FMN1: variants seen among roughly 807,000 people sequenced by gnomAD.
The protein encoded by FMN1 is formin 1.
A neutral mutation model predicts 132.4 loss-of-function variants in FMN1; 110 were observed. That is an observed-to-expected ratio of 0.83 (90% CI 0.71 to 0.97). The LOEUF is 0.97. FMN1 is among the 50% of genes least tolerant of loss of function. FMN1 has a pLI of 0.00. For synonymous variants in FMN1, 722 were observed against 651.7 expected (o/e 1.11, Z -1.64); for missense variants, 1,792 against 1,705.3 (o/e 1.05, Z -0.90).
At chr15:32,810,727 A>G (rs144886703) in intron 17 of FMN1, among the ~76,000 whole-genome samples, 1 of 152,306 alleles carries the variant, frequency 6.6e-6, no homozygotes, top group African/African-American at 2.4e-5. Context: ...GCCAAACGCA[A>G]TTAAGTCCTA....
At chr15:32,877,070 G>T (rs1012636147) in intron 16 of FMN1, among the ~76,000 whole-genome samples, 1 of 152,172 alleles carries the variant, frequency 6.6e-6, no homozygotes, top group Non-Finnish European at 1.5e-5. Flanking sequence ...TGGATCACCT[G>T]AAGTCAGGAG....
intron 4 of FMN1, among the ~76,000 whole-genome samples, chr15:33,147,448 C>T (rs1480391391): frequency 6.6e-6 from 1 of 152,172 alleles, no homozygotes; most frequent in East Asian, 1.9e-4. Flanking sequence ...GCTATTTCTA[C>T]ACATCTTTGG....
chr15:32,880,824 A>G (rs530174267), intron 16 of FMN1, among the ~76,000 whole-genome samples: 2 of 152,320 alleles, frequency 1.3e-5, no homozygotes, highest in Non-Finnish European at 2.9e-5. Context: ...CCATCCCCAC[A>G]TCCCACCTAC....
rs534926678 is a variant in FMN1, at chr15:32,874,497, C to T, written c.3835+13675G>A. ...TATTAGTTGATTCTCTTCAGGATCA[C>T]AGTCAGGAAGGGCTTTGCAGATGTT... On this transcript the variant is annotated intron_variant, in intron 16 of 20. Transcript: ENST00000616417. Among the ~76,000 whole-genome samples, 14 of 152,266 alleles carry T rather than the reference C, an allele frequency of 9.2e-5. No individual in the cohort carries two copies. The South Asian group carries it at 2.9e-3, about 32-fold the overall frequency.
chr15:33,121,044 C>T (rs1223104848), intron 4 of FMN1, among the ~76,000 whole-genome samples: 1 of 152,058 alleles, frequency 6.6e-6, no homozygotes, highest in Non-Finnish European at 1.5e-5. Flanking sequence ...TCATATAACC[C>T]AAAAATGTAA....
chr15:33,107,843 A>T (rs1364972541), intron 4 of FMN1, among the ~76,000 whole-genome samples: 1 of 152,094 alleles, frequency 6.6e-6, no homozygotes, highest in Admixed American at 6.6e-5. Context: ...TACTATGATG[A>T]TCCCTCTTTG....
intron 6 of FMN1, among the ~76,000 whole-genome samples, chr15:33,018,562 CAAG>C (rs1318508441): frequency 2.6e-5 from 4 of 152,170 alleles, no homozygotes; most frequent in Admixed American, 6.5e-5. Context: ...GTGGTGCGCC[CAAG>C]AAGAAATGTA....
At chr15:32,833,303 G>T (rs1474280679) in intron 17 of FMN1, among the ~76,000 whole-genome samples, 4 of 152,170 alleles carry the variant, frequency 2.6e-5, no homozygotes, top group Non-Finnish European at 5.9e-5. Context: ...AACTGATAGG[G>T]AGGAAAGGGC....
chr15:32,792,509 A>AGAAG lies in FMN1; in HGVS notation c.4130+6291_4130+6294dup, dbSNP rs149742073. Among the ~76,000 whole-genome samples, 2,451 of 152,242 alleles carry AGAAG rather than the reference A, an allele frequency of 0.016. 137 individuals carry two copies. The East Asian group carries it at 0.18, about 11-fold the overall frequency. Reference sequence around the variant, plus strand: ...AACTAGCAGTGGCAAAGAATTAGTTAGAAGGAGTCATCTGATTTCAGTTAG... The same window carrying AGAAG: ...AACTAGCAGTGGCAAAGAATTAGTTAGAAGGAAGGAGTCATCTGATTTCAGTTAG... On this transcript the variant is annotated intron_variant, in intron 19 of 20. Coordinates refer to ENST00000616417, the MANE Select transcript of FMN1 (RefSeq NM_001277313.2).
chr15:33,186,267 T>C (rs76820939), intron 2 of FMN1, among the ~76,000 whole-genome samples: 6,012 of 152,218 alleles, frequency 0.039, 381 homozygotes, highest in African/African-American at 0.14. Flanking sequence ...AGAGCTGCAG[T>C]GAGTATATCC....
At chr15:33,117,798 G>A (rs1259730559) in intron 4 of FMN1, among the ~76,000 whole-genome samples, 4 of 152,132 alleles carry the variant, frequency 2.6e-5, no homozygotes, top group Admixed American at 2.0e-4. Flanking sequence ...AACCACTAGA[G>A]CAAACAATGG....
At chr15:32,803,404 C>T (rs1567192319) in intron 18 of FMN1, among the ~76,000 whole-genome samples, 1 of 152,076 alleles carries the variant, frequency 6.6e-6, no homozygotes, top group South Asian at 2.1e-4. Context: ...AGGAAAAAGC[C>T]CTAAGGGATG....
Position 32,800,091 on chromosome 15 carries a change from G to A in FMN1, c.3981-1138C>T, listed in dbSNP as rs77941281. On this transcript the variant is annotated intron_variant, in intron 18 of 20. Transcript: ENST00000616417. ...TGGAGCATACTTTCATCTCATTCTC[G>A]GTTATTGGGCAATATGTATCTCATA... Among the ~76,000 whole-genome samples, 4 of 151,994 alleles carry A rather than the reference G, an allele frequency of 2.6e-5. No homozygotes were observed. In the East Asian group the frequency reaches 7.7e-4, roughly 29 times the overall value.
At chr15:33,125,407 C>T (rs1348603783) in intron 4 of FMN1, among the ~76,000 whole-genome samples, 2 of 151,628 alleles carry the variant, frequency 1.3e-5, no homozygotes, top group Non-Finnish European at 2.9e-5. Context: ...GTAGACTCTT[C>T]CTAGATGTAC....
intron 15 of FMN1, among the ~76,000 whole-genome samples, chr15:32,892,603 CT>C: frequency 6.6e-6 from 1 of 152,222 alleles, no homozygotes; most frequent in South Asian, 2.1e-4. Flanking sequence ...CCCTCTTTCT[CT>C]ATCTTGTGGA....
At position 33,153,912 on chromosome 15, in the gene FMN1, C is replaced by T; in HGVS notation, c.1003G>A (p.Asp335Asn). 1 of 1,536,816 alleles carries T rather than the reference C, an allele frequency of 6.5e-7. No individual in the cohort carries two copies. The highest frequency in any genetic ancestry group is 8.7e-7 in the Non-Finnish European group (1 of 1,147,080). The change falls in exon 4 of 21, where the codon GAC becomes AAC. Residue 335 changes from aspartate (D) to asparagine (N), a missense_variant. By Grantham distance (23) the Asp-to-Asn change is conservative (BLOSUM62 1). Around this residue, in one of 3 missense-constraint regions of FMN1, gnomAD observed 638 missense variants for 645.2 expected, o/e 0.99. Transcript: ENST00000616417. ...ACTCTTTGTACCTGGGAGGACAGGTCCTGAACTTTGGCCACCACTTTGGAG... is the reference window on the plus strand; with the variant it reads ...ACTCTTTGTACCTGGGAGGACAGGTTCTGAACTTTGGCCACCACTTTGGAG... ...PVSKVVAKVQ[D>N]LSSQVQRVVK... is the part of the protein sequence containing the mutation.
chr15:33,153,167 T>G lies in FMN1; in HGVS notation c.1748A>C (p.Lys583Thr), dbSNP rs968114963. The change falls in exon 4 of 21, where the codon AAA (lysine) becomes ACA (threonine). Residue 583 changes from lysine (K) to threonine (T), a missense_variant. Lys to Thr is a moderately conservative substitution (Grantham distance 78). This residue lies in a region of FMN1 where 1,150 missense variants were observed against 1,043.1 expected (regional missense o/e 1.10). Transcript: ENST00000616417. ...TCTGAGGAAGGCCGGGCTGGCTCCT[T>G]TGGTCTCCGTGACCTTTGCAGAGGA... ...PPSSAKVTET[K>T]GASPAFLRAG... is the part of the protein sequence containing the mutation. 1.3e-6 allele frequency: 2 copies of G among 1,536,000 alleles called. No individual in the cohort carries two copies. The highest frequency in any genetic ancestry group is 2.7e-5 in the African/African-American group (2 of 73,044).
chr15:33,007,246 A>C (rs548784155), intron 7 of FMN1, among the ~76,000 whole-genome samples: 4 of 152,318 alleles, frequency 2.6e-5, no homozygotes, highest in Middle Eastern at 3.4e-3. Context: ...AGATTGATTA[A>C]ATTAGCAGTC....
At chr15:33,109,855 C>G (rs1268191690) in intron 4 of FMN1, among the ~76,000 whole-genome samples, 1 of 145,830 alleles carries the variant, frequency 6.9e-6, no homozygotes, top group Non-Finnish European at 1.5e-5. Flanking sequence ...AAAAAAAATG[C>G]AAGCTCAAAG....
Sources: allele counts gnomAD v4.1 joint callset (sites outside exome capture counted in the v4.1 genomes callset), GRCh38; gene constraint gnomAD v4.1.1; regional missense constraint gnomAD v4.1.1; transcripts MANE v1.5; gene names NCBI Gene and HGNC (gene_info 2026-07-23, HGNC 2026-07-21).